Variants in ABI1 observed in about 807,000 individuals in gnomAD.
The protein encoded by ABI1 is abl interactor 1, also known as Abelson interactor 1.
Under a neutral mutation model 54.6 loss-of-function variants are expected in ABI1, and 14 were observed. That is an observed-to-expected ratio of 0.26 (90% CI 0.17 to 0.40). The LOEUF is 0.40. ABI1 is among the 10% of genes least tolerant of loss of function. The pLI is 1.00. For missense variants in ABI1, 443 were observed against 598.3 expected (o/e 0.74, Z 2.71); for synonymous variants, 194 against 209.3 (o/e 0.93, Z 0.63).
chr10:26,825,058 A>G (rs1346773758), intron 1 of ABI1, among the ~76,000 whole-genome samples: 1 of 152,146 alleles, frequency 6.6e-6, no homozygotes, highest in Non-Finnish European at 1.5e-5. Flanking sequence ...CTCCATATTG[A>G]TGGCTGCTGA....
At chr10:26,789,871 A>AC (rs780598882) in intron 2 of ABI1, among the ~76,000 whole-genome samples, 1 of 152,210 alleles carries the variant, frequency 6.6e-6, no homozygotes, top group Non-Finnish European at 1.5e-5. Context: ...ATAAGTGAGA[A>AC]CATGCAGTAT....
At chr10:26,784,477 G>C (rs1007294330) in intron 2 of ABI1, among the ~76,000 whole-genome samples, 2 of 152,122 alleles carry the variant, frequency 1.3e-5, no homozygotes, top group Non-Finnish European at 2.9e-5. Flanking sequence ...CCAGCCATCA[G>C]GGAGGCCACA....
intron 1 of ABI1, among the ~76,000 whole-genome samples, chr10:26,829,183 G>A (rs1329905358): frequency 6.7e-6 from 1 of 149,510 alleles, no homozygotes; most frequent in Non-Finnish European, 1.5e-5. Flanking sequence ...CCCAGATCGC[G>A]CCACTGCACT....
intron 1 of ABI1, among the ~76,000 whole-genome samples, chr10:26,825,889 G>A (rs1006004619): frequency 6.6e-6 from 1 of 152,032 alleles, no homozygotes; most frequent in Non-Finnish European, 1.5e-5. Context: ...CCACTTCTTC[G>A]GGCTCCAATT....
Position 26,773,215 on chromosome 10 carries a change from C to CTTTTTTTTTTTTTTTTTTTTT in ABI1, c.463-2127_463-2126insAAAAAAAAAAAAAAAAAAAAA, listed in dbSNP as rs58739177. On this transcript the variant is annotated intron_variant, in intron 3 of 10. Transcript: ENST00000376140. ...AGGCACTAAATGTCTAATGCTAATT[C>CTTTTTTTTTTTTTTTTTTTTT]TTTTTTTTTTTTTGCTGGCTCTGTT... Among the ~76,000 whole-genome samples, 433 of 92,372 alleles carry CTTTTTTTTTTTTTTTTTTTTT rather than the reference C, an allele frequency of 4.7e-3. 78 individuals are homozygous for CTTTTTTTTTTTTTTTTTTTTT. Among genetic ancestry groups the CTTTTTTTTTTTTTTTTTTTTT allele is most frequent in the East Asian group, 0.024 (53 of 2,196 alleles). 60.6% of individuals were successfully genotyped at this position (92,372 alleles called of 152,430 possible). A position where few individuals can be genotyped will look rare whatever the true frequency, so the allele number is the denominator to read the frequency against.
chr10:26,854,379 CA>C (rs1258968106), intron 1 of ABI1, among the ~76,000 whole-genome samples: 3 of 148,786 alleles, frequency 2.0e-5, no homozygotes, highest in Non-Finnish European at 4.4e-5. Context: ...AGAGTATTAG[CA>C]AGAACTGATA....
intron 2 of ABI1, among the ~76,000 whole-genome samples, chr10:26,787,117 T>C (rs563839782): frequency 6.6e-6 from 1 of 152,282 alleles, no homozygotes; most frequent in East Asian, 1.9e-4. Context: ...CAATCTACTA[T>C]CATCTCTCAC....
chr10:26,810,366 C>T (rs987165296), intron 2 of ABI1, among the ~76,000 whole-genome samples: 2 of 152,006 alleles, frequency 1.3e-5, no homozygotes, highest in Non-Finnish European at 2.9e-5. Flanking sequence ...ATTTCTGGCT[C>T]CTTAAGGAAT....
intron 1 of ABI1, among the ~76,000 whole-genome samples, chr10:26,833,880 A>G (rs1221885931): frequency 6.6e-6 from 1 of 152,196 alleles, no homozygotes; most frequent in Non-Finnish European, 1.5e-5. Context: ...ACCTTTATTT[A>G]CAACACCAAA....
chr10:26,804,243 C>A, intron 2 of ABI1, among the ~76,000 whole-genome samples: 1 of 151,836 alleles, frequency 6.6e-6, no homozygotes, highest in East Asian at 1.9e-4. Flanking sequence ...ATTAGCCAGT[C>A]GTCGTGGTGC....
intron 2 of ABI1, among the ~76,000 whole-genome samples, chr10:26,791,163 G>C (rs1367444148): frequency 1.3e-5 from 2 of 150,368 alleles, no homozygotes; most frequent in Non-Finnish European, 2.9e-5. Flanking sequence ...CATATCAAGA[G>C]TTGTGAGAGA....
chr10:26,831,510 T>C (rs1262775720), intron 1 of ABI1, among the ~76,000 whole-genome samples: 1 of 152,066 alleles, frequency 6.6e-6, no homozygotes, highest in African/African-American at 2.4e-5. Flanking sequence ...GCCACTGCAC[T>C]CCAGCCTGGG....
At chr10:26,817,019 T>TGTGTGTGA (rs747556215) in intron 2 of ABI1, among the ~76,000 whole-genome samples, 1 of 150,798 alleles carries the variant, frequency 6.6e-6, no homozygotes, top group Admixed American at 6.6e-5. Flanking sequence ...TGTGTGTGTG[T>TGTGTGTGA]GACGGAGTCT....
At chr10:26,788,220 T>C (rs555212581) in intron 2 of ABI1, among the ~76,000 whole-genome samples, 1 of 152,350 alleles carries the variant, frequency 6.6e-6, no homozygotes, top group Admixed American at 6.5e-5. Flanking sequence ...AAGGGCATTT[T>C]GCCTCCCGGC....
At chr10:26,837,696 A>G (rs2049182665) in intron 1 of ABI1, among the ~76,000 whole-genome samples, 1 of 152,052 alleles carries the variant, frequency 6.6e-6, no homozygotes, top group Non-Finnish European at 1.5e-5. Context: ...GCTTACTGCA[A>G]TTCTGCCTCC....
At chr10:26,770,621 A>G (rs537990713) in intron 4 of ABI1, 2 of 627,158 alleles carry the variant, frequency 3.2e-6, no homozygotes, top group Non-Finnish European at 5.9e-6. Flanking sequence ...ACTGAGATCA[A>G]ACTTATCTGC....
chr10:26,818,947 C>T (rs370771678), intron 2 of ABI1, among the ~76,000 whole-genome samples: 37 of 152,188 alleles, frequency 2.4e-4, no homozygotes, highest in African/African-American at 7.9e-4. Context: ...GAGCCGAGAT[C>T]GCACCACTGT....
intron 2 of ABI1, among the ~76,000 whole-genome samples, chr10:26,791,146 C>T (rs537853998): frequency 6.8e-6 from 1 of 147,868 alleles, no homozygotes; most frequent in Admixed American, 6.7e-5. Context: ...TTATGACAAG[C>T]AAAAATCATA....
At chr10:26,765,364 AT>A in intron 6 of ABI1, 46 bp from the exon 7 acceptor site, 2 of 1,395,528 alleles carry the variant, frequency 1.4e-6, no homozygotes, top group Non-Finnish European at 2.0e-6. Context: ...CTAGAGACAT[AT>A]TTAAAAAAAA....
Sources: allele counts gnomAD v4.1 joint callset (sites outside exome capture counted in the v4.1 genomes callset), GRCh38; gene constraint gnomAD v4.1.1; transcripts MANE v1.5; gene names NCBI Gene and HGNC (gene_info 2026-07-23, HGNC 2026-07-21).